Variants in PIK3AP1 observed in about 807,000 individuals in gnomAD.
PIK3AP1 encodes phosphoinositide-3-kinase adaptor protein 1.
PIK3AP1 carries 21 observed loss-of-function variants against 88.1 expected under a neutral mutation model. That is an observed-to-expected ratio of 0.24 (90% CI 0.17 to 0.34). PIK3AP1 has a LOEUF of 0.34. PIK3AP1 is among the 10% of genes least tolerant of loss of function. PIK3AP1 has a pLI of 1.00. For missense variants in PIK3AP1, 828 were observed against 1,035.7 expected (o/e 0.80, Z 2.75); for synonymous variants, 398 against 400.0 (o/e 1.00, Z 0.06).
rs779450561 is a variant in PIK3AP1 at position 96,628,389 on chromosome 10, A to G, written c.1471+9T>C. 3.2e-6 allele frequency: 5 copies of G among 1,584,990 alleles called. No individual in the cohort carries two copies. Among genetic ancestry groups the G allele is most frequent in the Non-Finnish European group, 3.5e-6 (4 of 1,153,538 alleles). ...TCTTTTGGCTTCCCTGCTCATGGCT[A>G]TGACTTACCTTCTAAAAACTTGCGG... On this transcript the variant is annotated intron_variant, in intron 9 of 16. Transcript: ENST00000339364.
At chr10:96,619,912 C>G (rs1346213258) in intron 12 of PIK3AP1, among the ~76,000 whole-genome samples, 2 of 152,206 alleles carry the variant, frequency 1.3e-5, no homozygotes, top group Non-Finnish European at 2.9e-5. Flanking sequence ...GTATCTGCAA[C>G]TTGTTTTGTT....
At chr10:96,698,259 G>T (rs1844247404) in intron 2 of PIK3AP1, among the ~76,000 whole-genome samples, 2 of 152,108 alleles carry the variant, frequency 1.3e-5, no homozygotes, top group African/African-American at 4.8e-5. Flanking sequence ...CTGGAGCTTG[G>T]GAACAAAGCT....
At chr10:96,617,869 CAG>C (rs1487736660) in intron 12 of PIK3AP1, among the ~76,000 whole-genome samples, 3 of 152,112 alleles carry the variant, frequency 2.0e-5, no homozygotes, top group Non-Finnish European at 4.4e-5. Context: ...CTGGGGCACT[CAG>C]GGGGACAAAG....
At chr10:96,681,087 AG>A (rs1183587961) in intron 2 of PIK3AP1, among the ~76,000 whole-genome samples, 1 of 152,174 alleles carries the variant, frequency 6.6e-6, no homozygotes, top group Non-Finnish European at 1.5e-5. Flanking sequence ...TCCAAGATCA[AG>A]GTGTCAGCAG....
intron 2 of PIK3AP1, among the ~76,000 whole-genome samples, chr10:96,686,532 TA>T (rs1844070704): frequency 6.6e-6 from 1 of 152,120 alleles, no homozygotes; most frequent in Admixed American, 6.5e-5. Flanking sequence ...GGCAGTGGGA[TA>T]AAGAAGAAAG....
At chr10:96,624,470 A>G (rs546608165) in intron 10 of PIK3AP1, among the ~76,000 whole-genome samples, 1 of 152,294 alleles carries the variant, frequency 6.6e-6, no homozygotes, top group Non-Finnish European at 1.5e-5. Flanking sequence ...TTATTAGGAC[A>G]TGTATTAATC....
rs12253822 is a variant in PIK3AP1, at chr10:96,670,914, G to A, written c.431-13980C>T. On this transcript the variant is annotated intron_variant, in intron 2 of 16. Transcript: ENST00000339364. ...GATGCATAAAATAACACAAACGAGT[G>A]GCTAACAAAGTGTTACCAAGTCAAC... Among the ~76,000 whole-genome samples the A allele has an allele frequency of 7.2e-3, 1,096 of 152,220 alleles. 10 individuals carry two copies. Among genetic ancestry groups the A allele is most frequent in the Middle Eastern group, 0.027 (8 of 294 alleles).
At chr10:96,660,129 C>A (rs1445020542) in intron 2 of PIK3AP1, among the ~76,000 whole-genome samples, 2 of 152,000 alleles carry the variant, frequency 1.3e-5, no homozygotes, top group Non-Finnish European at 2.9e-5. Flanking sequence ...CATTAAAAAC[C>A]AGTACAGATC....
Position 96,595,279 on chromosome 10 carries a change from G to T in PIK3AP1, c.*298C>A. 1 of 383,160 alleles carries T rather than the reference G, an allele frequency of 2.6e-6. No homozygotes were observed. The highest frequency in any genetic ancestry group is 4.7e-6 in the Non-Finnish European group (1 of 211,628). 23.7% of individuals were successfully genotyped at this position (383,160 alleles called of 1,614,324 possible). Reference sequence around the variant, plus strand: ...GTACATTTATGATCATTCTTTTTAGGCTTCTGATATGGCAAATTAGAGGTA... The same window carrying T: ...GTACATTTATGATCATTCTTTTTAGTCTTCTGATATGGCAAATTAGAGGTA... On this transcript the variant is annotated 3_prime_UTR_variant, in exon 17 of 17. Coordinates refer to ENST00000339364, the MANE Select transcript of PIK3AP1 (RefSeq NM_152309.3).
rs1342073621 is a variant in PIK3AP1, at chr10:96,602,298, G to A, written c.2342C>T (p.Pro781Leu). The change falls in exon 16 of 17, where the codon CCG (proline) becomes CTG (leucine). Residue 781 changes from proline to leucine, a missense_variant. By Grantham distance (98) the Pro-to-Leu change is moderately conservative. Around this residue, in one of 3 missense-constraint regions of PIK3AP1, gnomAD observed 191 missense variants for 208.6 expected, o/e 0.92. Transcript: ENST00000339364. The stretch of plus-strand genomic sequence containing the variant: ...ATGTTACCTCTGTGAGGCAGCTCTC[G>A]GAGGCACCCTGGGGGGTCTCTCGAG... ...MSLERPPRVPPRAASQRPPTR... is the reference protein window; with the variant it reads ...MSLERPPRVPLRAASQRPPTR... 3.1e-6 allele frequency: 5 copies of A among 1,605,546 alleles called. No homozygotes were observed. Among genetic ancestry groups the A allele is most frequent in the East Asian group, 2.2e-5 (1 of 44,752 alleles).
At chr10:96,715,220 G>A (rs890751549) in intron 1 of PIK3AP1, among the ~76,000 whole-genome samples, 4 of 152,058 alleles carry the variant, frequency 2.6e-5, no homozygotes, top group African/African-American at 7.3e-5. Context: ...TACAAATCCC[G>A]ACTGAGGGCT....
chr10:96,719,890 G>C (rs1453780203), intron 1 of PIK3AP1, among the ~76,000 whole-genome samples: 2 of 152,166 alleles, frequency 1.3e-5, no homozygotes, highest in East Asian at 1.9e-4. Flanking sequence ...AGCCTGGGAG[G>C]GGTGGAGGAA....
chr10:96,637,313 A>ATC (rs550990473), intron 8 of PIK3AP1, among the ~76,000 whole-genome samples: 5 of 69,898 alleles, frequency 7.2e-5, no homozygotes, highest in African/African-American at 3.1e-4. Context: ...GAGATATACA[A>ATC]TCACACACAC....
chr10:96,626,522 C>T (rs538017247), intron 10 of PIK3AP1, among the ~76,000 whole-genome samples, 186 bp downstream of exon 10: 17 of 152,340 alleles, frequency 1.1e-4, no homozygotes, highest in African/African-American at 4.1e-4. Flanking sequence ...AGCACTGACT[C>T]TGGTCATTAC....
At chr10:96,615,422 T>C (rs908028357) in intron 13 of PIK3AP1, among the ~76,000 whole-genome samples, 2 of 152,160 alleles carry the variant, frequency 1.3e-5, no homozygotes, top group Non-Finnish European at 2.9e-5. Flanking sequence ...ACTGAGTGAC[T>C]ACTCCCTTAG....
chr10:96,627,622 C>T (rs2134208129), intron 9 of PIK3AP1, among the ~76,000 whole-genome samples: 1 of 152,268 alleles, frequency 6.6e-6, no homozygotes, highest in South Asian at 2.1e-4. Flanking sequence ...ATCCTCTTAG[C>T]ACTCTGCTTT....
chr10:96,654,999 A>T (rs1227020819), intron 3 of PIK3AP1, among the ~76,000 whole-genome samples: 3 of 152,174 alleles, frequency 2.0e-5, no homozygotes, highest in Non-Finnish European at 4.4e-5. Context: ...GCCTAATATG[A>T]CCAGATTCTG....
intron 13 of PIK3AP1, among the ~76,000 whole-genome samples, chr10:96,612,093 A>C (rs1266951959): frequency 1.3e-5 from 2 of 152,188 alleles, no homozygotes; most frequent in African/African-American, 4.8e-5. Flanking sequence ...CCCAGTGAGG[A>C]AACTGAGGCA....
rs1474227578 is a variant in PIK3AP1 at position 96,597,382 on chromosome 10, T to C, written c.2361-1748A>G. Reference sequence around the variant, plus strand: ...TCTCTCTCTCTCTCTCTCTCTTTCTTTCTTTCTTTCTTTCAACAAACACTA... The same window carrying C: ...TCTCTCTCTCTCTCTCTCTCTTTCTCTCTTTCTTTCTTTCAACAAACACTA... On this transcript the variant is annotated intron_variant, in intron 16 of 16. Transcript: ENST00000339364. Among the ~76,000 whole-genome samples, 208 of 93,996 alleles carry C rather than the reference T, an allele frequency of 2.2e-3. 3 individuals carry two copies. The highest frequency in any genetic ancestry group is 3.4e-3 in the Non-Finnish European group (156 of 46,470). 61.7% of individuals were successfully genotyped at this position (93,996 alleles called of 152,430 possible).
Sources: gnomAD v4.1 joint callset for allele counts (sites outside exome capture counted in the v4.1 genomes callset) on GRCh38, gnomAD v4.1.1 for gene constraint, gnomAD v4.1.1 regional missense constraint, MANE v1.5 for transcripts, NCBI Gene and HGNC (gene_info 2026-07-23, HGNC 2026-07-21) for gene names.